Variants in SHISA9 observed in about 807,000 individuals in gnomAD.
SHISA9 encodes the protein shisa family member 9, also known as protein shisa-9.
SHISA9 carries 13 observed loss-of-function variants against 38.0 expected under a neutral mutation model. The ratio of observed to expected loss-of-function variants is 0.34; its 90% CI spans 0.22 to 0.54. The LOEUF (loss-of-function observed/expected upper bound fraction) is 0.54, where lower values mean the gene tolerates loss of function less well. SHISA9 is among the 20% of genes least tolerant of loss of function. SHISA9 has a pLI of 0.91. For missense variants in SHISA9, 538 were observed against 575.8 expected (o/e 0.93, Z 0.67); for synonymous variants, 275 against 242.0 (o/e 1.14, Z -1.27).
intron 2 of SHISA9, among the ~76,000 whole-genome samples, chr16:13,054,768 C>T (rs2073290872): frequency 6.6e-6 from 1 of 152,196 alleles, no homozygotes; most frequent in Non-Finnish European, 1.5e-5. Flanking sequence ...TCTGCACCTC[C>T]AGCCCCTCTC....
At chr16:13,448,641 G>A in the SHISA9 span, among the ~76,000 whole-genome samples, 2 of 152,220 alleles carry the variant, frequency 1.3e-5, no homozygotes, top group Non-Finnish European at 2.9e-5. Flanking sequence ...GGCTCCAGAT[G>A]TTGAACTATA....
At chr16:13,024,958 C>A (rs751334311) in intron 2 of SHISA9, among the ~76,000 whole-genome samples, 3 of 152,080 alleles carry the variant, frequency 2.0e-5, no homozygotes, top group Non-Finnish European at 4.4e-5. Flanking sequence ...GTGCAAGGGG[C>A]AGATATTGGG....
the SHISA9 span, among the ~76,000 whole-genome samples, chr16:13,308,425 G>A: frequency 2.0e-5 from 3 of 152,194 alleles, no homozygotes; most frequent in Non-Finnish European, 2.9e-5. Context: ...CCATGGCACT[G>A]AGGGTCCTGA....
At chr16:13,230,095 C>T (rs999858645) in intron 4 of SHISA9, among the ~76,000 whole-genome samples, 10 of 152,142 alleles carry the variant, frequency 6.6e-5, no homozygotes, top group African/African-American at 1.9e-4. Context: ...TCAACAAACA[C>T]GGTTGGTGGA....
Position 12,901,616 on chromosome 16 carries a change from C to T in SHISA9, c.-449C>T, listed in dbSNP as rs1338660769. On this transcript the variant is annotated 5_prime_UTR_variant, in exon 1 of 5. Coordinates refer to ENST00000558583, the MANE Select transcript of SHISA9 (RefSeq NM_001145204.3). The stretch of plus-strand genomic sequence containing the variant: ...TCCCTTCATTCCACAAGTGTCGCTT[C>T]GCTCTCTTCAGCGCACTTGGCGAGC... 1.3e-5 allele frequency: 2 copies of T among 148,434 alleles called. No homozygotes were observed. Among genetic ancestry groups the T allele is most frequent in the Non-Finnish European group, 3.0e-5 (2 of 66,868 alleles). 9.2% of individuals were successfully genotyped at this position (148,434 alleles called of 1,614,324 possible).
At chr16:13,024,000 G>A (rs1404057239) in intron 2 of SHISA9, among the ~76,000 whole-genome samples, 1 of 152,204 alleles carries the variant, frequency 6.6e-6, no homozygotes, top group Admixed American at 6.5e-5. Flanking sequence ...GAGAGGCTGA[G>A]GAACAGAAGA....
the SHISA9 span, among the ~76,000 whole-genome samples, chr16:13,500,905 G>T: frequency 2.6e-5 from 4 of 152,114 alleles, no homozygotes; most frequent in African/African-American, 7.2e-5. Flanking sequence ...AATTCCTCTG[G>T]AAGTTGCAGG....
chr16:12,907,473 T>G (rs1258748897), intron 1 of SHISA9, among the ~76,000 whole-genome samples: 1 of 151,786 alleles, frequency 6.6e-6, no homozygotes, highest in African/African-American at 2.4e-5. Context: ...TAGTCCCTAA[T>G]ATCTCAGCAG....
chr16:13,477,834 G>T, the SHISA9 span, among the ~76,000 whole-genome samples: 3 of 152,150 alleles, frequency 2.0e-5, no homozygotes, highest in Admixed American at 6.5e-5. Context: ...GCATGGTGGT[G>T]TGCACCTATA....
rs1163922226 is a variant in SHISA9 at position 12,939,433 on chromosome 16, C to G, written c.691+22618C>G. On this transcript the variant is annotated intron_variant, in intron 2 of 4. Transcript: ENST00000558583. ...CCTGATTGGCCCATACTTTTCCTCC[C>G]AGAGGTTTGTTGTTGGTGAAATACA... Among the ~76,000 whole-genome samples the G allele has an allele frequency of 2.0e-5, 3 of 152,318 alleles. No homozygotes were observed. The East Asian group carries it at 5.8e-4, about 29-fold the overall frequency.
rs180770776 is a variant in SHISA9, at chr16:13,213,981, A to G, written c.895+681A>G. ...TTTAGAAATGAGGACATGATGTCTAAGTATGGATAAGTCTTGCTGGTCTAG... is the reference window on the plus strand; with the variant it reads ...TTTAGAAATGAGGACATGATGTCTAGGTATGGATAAGTCTTGCTGGTCTAG... On this transcript the variant is annotated intron_variant, in intron 4 of 4. Transcript: ENST00000558583. Among the ~76,000 whole-genome samples, 137 of 152,342 alleles carry G rather than the reference A, an allele frequency of 9.0e-4. 3 individuals are homozygous for G. The highest frequency in any genetic ancestry group is 1.0e-4 in the Non-Finnish European group (7 of 68,028).
At chr16:13,172,678 T>G (rs529113111) in intron 2 of SHISA9, among the ~76,000 whole-genome samples, 1 of 152,042 alleles carries the variant, frequency 6.6e-6, no homozygotes, top group South Asian at 2.1e-4. Context: ...CGCGTCTGTT[T>G]AGGCCCATGA....
At chr16:13,357,216 A>C in the SHISA9 span, among the ~76,000 whole-genome samples, 313 of 152,344 alleles carry the variant, frequency 2.1e-3, 2 homozygotes, top group African/African-American at 7.3e-3. Context: ...CCCCCTAGGA[A>C]AGCGGGACTT....
At chr16:13,552,430 A>G in the SHISA9 span, among the ~76,000 whole-genome samples, 1 of 151,710 alleles carries the variant, frequency 6.6e-6, no homozygotes, top group Non-Finnish European at 1.5e-5. Flanking sequence ...TCACGATGCC[A>G]TTTCAGAGGC....
At chr16:12,994,429 T>C (rs542244065) in intron 2 of SHISA9, among the ~76,000 whole-genome samples, 1 of 152,338 alleles carries the variant, frequency 6.6e-6, no homozygotes, top group East Asian at 1.9e-4. Context: ...GTGATTGTAA[T>C]ATGAGCAGAA....
the SHISA9 span, among the ~76,000 whole-genome samples, chr16:13,281,786 A>G: frequency 1.3e-5 from 2 of 149,794 alleles, no homozygotes; most frequent in Admixed American, 6.6e-5. Context: ...TTCTTTTTCC[A>G]TTTTTTTCCC....
chr16:12,953,929 C>T (rs2071794394), intron 2 of SHISA9, among the ~76,000 whole-genome samples: 1 of 152,164 alleles, frequency 6.6e-6, no homozygotes, highest in African/African-American at 2.4e-5. Flanking sequence ...AGAACTCACT[C>T]ACTGTCATGA....
intron 2 of SHISA9, among the ~76,000 whole-genome samples, chr16:12,989,851 T>C (rs982287204): frequency 6.6e-6 from 1 of 152,194 alleles, no homozygotes; most frequent in African/African-American, 2.4e-5. Flanking sequence ...ACGTGTGCCA[T>C]GGTGATTTGC....
At chr16:12,920,318 A>G (rs911470709) in intron 2 of SHISA9, among the ~76,000 whole-genome samples, 16 of 152,194 alleles carry the variant, frequency 1.1e-4, no homozygotes, top group African/African-American at 2.2e-4. Flanking sequence ...CTTAAAGTAT[A>G]TATATATATA....
Sources: allele counts gnomAD v4.1 joint callset (sites outside exome capture counted in the v4.1 genomes callset), GRCh38; gene constraint gnomAD v4.1.1; transcripts MANE v1.5; gene names NCBI Gene and HGNC (gene_info 2026-07-23, HGNC 2026-07-21).